Variants in MYCBP2 observed in about 807,000 individuals in gnomAD.
MYCBP2 encodes the protein E3 ubiquitin-protein ligase MYCBP2.
In MYCBP2, 120 loss-of-function variants were observed where a neutral mutation model predicts 525.3. That is an observed-to-expected ratio of 0.23 (90% CI 0.20 to 0.27). MYCBP2 has a LOEUF of 0.27. Among genes scored for constraint, MYCBP2 ranks in the 10% least tolerant of loss-of-function variants. MYCBP2 has a pLI of 1.00. For synonymous variants in MYCBP2, 1,894 were observed against 1,955.8 expected (o/e 0.97, Z 0.83); for missense variants, 4,149 against 5,657.1 (o/e 0.73, Z 8.55).
At chr13:77,242,988 C>T (rs2154316501) in intron 17 of MYCBP2, 71 bp downstream of exon 17, 1 of 1,312,928 alleles carries the variant, frequency 7.6e-7, no homozygotes, top group Non-Finnish European at 1.1e-6. Flanking sequence ...ATTGTGTGAA[C>T]TTTTCAGTGG....
At chr13:77,165,446 C>G in intron 41 of MYCBP2, 55 bp from the exon 42 acceptor site, 2 of 1,311,942 alleles carry the variant, frequency 1.5e-6, no homozygotes, top group South Asian at 2.6e-5. Context: ...ATAAAAATTT[C>G]CCTGTCTTTT....
intron 57 of MYCBP2, 81 bp from the exon 58 acceptor site, chr13:77,095,683 C>T (rs1198819453): frequency 2.7e-6 from 4 of 1,481,448 alleles, no homozygotes; most frequent in Non-Finnish European, 3.6e-6. Context: ...TTTTGAGTTT[C>T]CAATAAAAAT....
chr13:77,098,653 G>A lies in MYCBP2; in HGVS notation c.8501C>T (p.Pro2834Leu). 1 of 1,613,610 alleles carries A rather than the reference G, an allele frequency of 6.2e-7. No individual in the cohort carries two copies. The highest frequency in any genetic ancestry group is 8.5e-7 in the Non-Finnish European group (1 of 1,179,768). The change falls in exon 56 of 83, where the codon CCA (proline) becomes CTA (leucine). Residue 2834 changes from proline to leucine, a missense_variant. Physicochemically the swap from Pro to Leu is moderately conservative, Grantham distance 98. Coordinates refer to ENST00000544440, the MANE Select transcript of MYCBP2 (RefSeq NM_015057.5). ...PKTLPANRSS[P>L]SGASSPRSSS... ...GGAGCGTGGAGAACTAGCACCCGAT[G>A]GGCTAGACCTATTGGCTGGGAGAGT...
chr13:77,174,438 T>G lies in MYCBP2; in HGVS notation c.5524A>C (p.Asn1842His). The change falls in exon 37 of 83, where the codon AAT becomes CAT. Residue 1842 changes from asparagine (N) to histidine (H), a missense_variant. Physicochemically the swap from Asn to His is moderately conservative, Grantham distance 68. This residue lies in a region of MYCBP2 where 109 missense variants were observed against 118.9 expected (regional missense o/e 0.92). Transcript: ENST00000544440. Reference protein sequence around the residue: ...RLRNYGSRTANGDGGMTTVQC... With the variant: ...RLRNYGSRTAHGDGGMTTVQC... ...ACTGTGGTCATTCCTCCATCTCCAT[T>G]GGCTGTACGGCTTCCATAGTTCCTC... 4 of 1,614,128 alleles carry G rather than the reference T, an allele frequency of 2.5e-6. No homozygotes were observed. The highest frequency in any genetic ancestry group is 3.4e-6 in the Non-Finnish European group (4 of 1,180,008).
intron 38 of MYCBP2, among the ~76,000 whole-genome samples, chr13:77,170,415 T>C (rs2154221017): frequency 6.6e-6 from 1 of 152,332 alleles, no homozygotes; most frequent in Non-Finnish European, 1.5e-5. Context: ...TCTGCTGTTA[T>C]ATCAAAACAG....
chr13:77,140,975 G>A, intron 49 of MYCBP2, 32 bp from the exon 50 acceptor site: 3 of 1,434,896 alleles, frequency 2.1e-6, no homozygotes, highest in Non-Finnish European at 2.9e-6. Flanking sequence ...TGTAACATTT[G>A]AGAAAAAAAG....
chr13:77,064,767 A>C lies in MYCBP2; in HGVS notation c.12553-33T>G. On this transcript the variant is annotated intron_variant, in intron 72 of 82. Transcript: ENST00000544440. ...GCAGAACAGAGTATTTTAATAAGTGACCAGAAATGTATTACCATAGTAAAC... is the reference window on the plus strand; with the variant it reads ...GCAGAACAGAGTATTTTAATAAGTGCCCAGAAATGTATTACCATAGTAAAC... 5 of 1,582,670 alleles carry C rather than the reference A, an allele frequency of 3.2e-6. No homozygotes were observed. The Admixed American group carries it at 5.3e-5, about 17-fold the overall frequency.
In MYCBP2 at chr13:77,092,367, T is replaced by C. The variant is rs1566483149; in HGVS notation, c.10367+798A>G. The C allele has an allele frequency of 2.0e-5, 3 of 152,172 alleles. No homozygotes were observed. In the South Asian group the frequency reaches 6.2e-4, roughly 32 times the overall value. The allele number at this position is 152,172 out of a possible 1,614,324, so 9.4% of individuals were successfully genotyped here. On this transcript the variant is annotated intron_variant, in intron 59 of 82. Coordinates refer to ENST00000544440, the MANE Select transcript of MYCBP2 (RefSeq NM_015057.5). The stretch of plus-strand genomic sequence containing the variant: ...ACAAAATATATCTCTTTAATCCATA[T>C]GTCAGCTTCTCAATTGTCACTGTGA...
Position 77,169,696 on chromosome 13 carries a change from A to C in MYCBP2, c.5813T>G (p.Leu1938Arg). The change falls in exon 39 of 83, where the codon CTG becomes CGG. Residue 1938 changes from leucine to arginine, a missense_variant. Leu to Arg is a moderately radical substitution (Grantham distance 102). Around this residue, in one of 21 missense-constraint regions of MYCBP2, gnomAD observed 692 missense variants for 852.7 expected, o/e 0.81. Transcript: ENST00000544440. ...LAVDADDIPE[L>R]LSSSSLFSML... ...GGAAAACAGACTGGAAGAACTCAGC[A>C]GTTCTGGAATGTCATCAGCTAAAAA... 1 of 1,614,018 alleles carries C rather than the reference A, an allele frequency of 6.2e-7. No homozygotes were observed. Among genetic ancestry groups the C allele is most frequent in the Non-Finnish European group, 8.5e-7 (1 of 1,179,978 alleles).
chr13:77,260,858 C>T (rs1159537573), intron 12 of MYCBP2, among the ~76,000 whole-genome samples: 1 of 152,116 alleles, frequency 6.6e-6, no homozygotes, highest in African/African-American at 2.4e-5. Context: ...TATTAGTTTT[C>T]TACCAAACTC....
chr13:77,069,971 T>C (rs762508983), intron 69 of MYCBP2, among the ~76,000 whole-genome samples: 17 of 152,120 alleles, frequency 1.1e-4, no homozygotes, highest in East Asian at 1.9e-4. Context: ...ATATGAACAA[T>C]ATAGCGCTAT....
intron 1 of MYCBP2, among the ~76,000 whole-genome samples, chr13:77,302,547 C>G (rs1288076615): frequency 6.6e-6 from 1 of 151,950 alleles, no homozygotes; most frequent in Non-Finnish European, 1.5e-5. Context: ...CTAAAAGTAT[C>G]CTGTAAGAAT....
chr13:77,099,841 T>A (rs573006738), intron 55 of MYCBP2: 2 of 152,238 alleles, frequency 1.3e-5, no homozygotes, highest in Admixed American at 1.3e-4. Context: ...AAGCATTAGA[T>A]GTTTCTGCAT....
chr13:77,162,659 T>A (rs2058077603), intron 43 of MYCBP2, among the ~76,000 whole-genome samples: 3 of 152,010 alleles, frequency 2.0e-5, no homozygotes, highest in Non-Finnish European at 4.4e-5. Context: ...ATAAACATAC[T>A]CTTTTTTTTT....
In MYCBP2 at chr13:77,270,067, CA is replaced by C. The variant is rs772274414; in HGVS notation, c.1189-5del. On this transcript the variant is annotated splice_region_variant and splice_polypyrimidine_tract_variant and intron_variant, in intron 6 of 82. Coordinates refer to ENST00000544440, the MANE Select transcript of MYCBP2 (RefSeq NM_015057.5). ...ATGTAGAATTGTATATATGGCCCTG[CA>C]AAAAAAACAAAAGTTAGTATATCAG... The C allele has an allele frequency of 1.3e-5, 21 of 1,581,190 alleles. No individual in the cohort carries two copies. The highest frequency in any genetic ancestry group is 7.5e-5 in the Admixed American group (4 of 53,524).
intron 38 of MYCBP2, 78 bp from the exon 39 acceptor site, chr13:77,169,792 C>G: frequency 8.3e-7 from 1 of 1,202,206 alleles, no homozygotes; most frequent in Middle Eastern, 2.0e-4. Flanking sequence ...TGTACTAAAT[C>G]TATATTCTGC....
intron 46 of MYCBP2, 68 bp downstream of exon 46, chr13:77,155,990 T>G: frequency 6.8e-7 from 1 of 1,471,506 alleles, no homozygotes; most frequent in Non-Finnish European, 9.2e-7. Flanking sequence ...CACTTGGCAT[T>G]TCTAAAATTT....
chr13:77,198,980 C>T (rs1299589361), intron 26 of MYCBP2, among the ~76,000 whole-genome samples: 2 of 152,122 alleles, frequency 1.3e-5, no homozygotes, highest in African/African-American at 4.8e-5. Context: ...TCCCTTCTTA[C>T]AGAATTTTGA....
chr13:77,097,630 ATAG>A lies in MYCBP2; in HGVS notation c.9521_9523del (p.Thr3174del). The A allele has an allele frequency of 6.2e-7, 1 of 1,613,666 alleles. No homozygotes were observed. Among genetic ancestry groups the A allele is most frequent in the Non-Finnish European group, 8.5e-7 (1 of 1,179,810 alleles). ...AATCATATTCTGGGAAGCAGCTTTGATAGTAGCCAAAGAGATGTCTTCCCAAAA... is the reference window on the plus strand; with the variant it reads ...AATCATATTCTGGGAAGCAGCTTTGATAGCCAAAGAGATGTCTTCCCAAAA... On this transcript the variant is annotated inframe_deletion, in exon 56 of 83. Coordinates refer to ENST00000544440, the MANE Select transcript of MYCBP2 (RefSeq NM_015057.5).
Sources: gnomAD v4.1 joint callset for allele counts (sites outside exome capture counted in the v4.1 genomes callset) on GRCh38, gnomAD v4.1.1 for gene constraint, gnomAD v4.1.1 regional missense constraint, MANE v1.5 for transcripts, NCBI Gene and HGNC (gene_info 2026-07-23, HGNC 2026-07-21) for gene names.